Variants in GRM7 observed in about 807,000 individuals in gnomAD.
The protein encoded by GRM7 is glutamate metabotropic receptor 7, also known as metabotropic glutamate receptor 7.
A neutral mutation model predicts 84.5 loss-of-function variants in GRM7; 35 were observed. The observed-to-expected ratio is 0.41, with a 90% CI of 0.32 to 0.55. GRM7 has a LOEUF of 0.55. GRM7 is among the 20% of genes least tolerant of loss of function. The pLI is 0.19. For synonymous variants in GRM7, 487 were observed against 455.1 expected, an observed-to-expected ratio of 1.07 and a Z score of -0.89; for missense variants, 1,003 against 1,194.6, an observed-to-expected ratio of 0.84 and a Z score of 2.36.
At position 7,074,784 on chromosome 3, in the gene GRM7, T is replaced by C. The variant is rs181947468; in HGVS notation, c.520-71668T>C. 3.9e-5 allele frequency among the ~76,000 whole-genome samples: 6 copies of C among 152,288 alleles called. No individual in the cohort carries two copies. In the East Asian group the frequency reaches 7.8e-4, roughly 20 times the overall value. On this transcript the variant is annotated intron_variant, in intron 1 of 9. Transcript: ENST00000357716. ...ATCCTGGTTCTATTAGTTGCAGATA[T>C]GATTTTTGGAATGGTTTTAATATCT... is the stretch of plus-strand genomic sequence containing the variant.
chr3:7,687,067 G>A (rs986187336), intron 9 of GRM7, among the ~76,000 whole-genome samples: 1 of 143,084 alleles, frequency 7.0e-6, no homozygotes, highest in African/African-American at 2.6e-5. Context: ...TCATAGTTCT[G>A]CCTTTGAGAA....
At chr3:7,586,764 C>T (rs1336282288) in intron 8 of GRM7, among the ~76,000 whole-genome samples, 2 of 152,118 alleles carry the variant, frequency 1.3e-5, no homozygotes, top group Non-Finnish European at 2.9e-5. Context: ...GCCAAGATTG[C>T]ACCACTGCAC....
chr3:7,485,772 G>A (rs1426671059), intron 7 of GRM7, among the ~76,000 whole-genome samples: 1 of 152,070 alleles, frequency 6.6e-6, no homozygotes, highest in Non-Finnish European at 1.5e-5. Context: ...CATTTATATT[G>A]CTTATCTTTT....
chr3:7,593,380 G>A (rs1695882953), intron 8 of GRM7, among the ~76,000 whole-genome samples: 1 of 152,154 alleles, frequency 6.6e-6, no homozygotes, highest in Admixed American at 6.5e-5. Flanking sequence ...ACATATTTAG[G>A]TGCCAGGGAT....
At chr3:7,499,318 G>C (rs571299733) in intron 7 of GRM7, among the ~76,000 whole-genome samples, 8 of 152,242 alleles carry the variant, frequency 5.3e-5, no homozygotes, top group Admixed American at 4.6e-4. Flanking sequence ...ACAATGTTCT[G>C]TTCCTCTGGG....
intron 4 of GRM7, among the ~76,000 whole-genome samples, chr3:7,319,091 T>C (rs1044996275): frequency 6.6e-6 from 1 of 152,002 alleles, no homozygotes; most frequent in African/African-American, 2.4e-5. Flanking sequence ...GCAAAAAAGA[T>C]ATAAGATACT....
At chr3:7,211,365 C>A (rs1696421761) in intron 2 of GRM7, among the ~76,000 whole-genome samples, 1 of 152,076 alleles carries the variant, frequency 6.6e-6, no homozygotes, top group African/African-American at 2.4e-5. Context: ...AAATGTGTAC[C>A]TTTAATAGCA....
chr3:7,083,514 A>G (rs901049580), intron 1 of GRM7, among the ~76,000 whole-genome samples: 7 of 152,144 alleles, frequency 4.6e-5, no homozygotes, highest in African/African-American at 1.4e-4. Flanking sequence ...TTACAATGCC[A>G]TATAGTAATT....
chr3:7,381,156 TTTAG>T (rs1376654251), intron 4 of GRM7, among the ~76,000 whole-genome samples: 3 of 151,852 alleles, frequency 2.0e-5, no homozygotes, highest in Non-Finnish European at 2.9e-5. Context: ...TATGCTATTA[TTTAG>T]TTAGTTTTTT....
intron 2 of GRM7, among the ~76,000 whole-genome samples, chr3:7,294,785 C>T (rs1699758629): frequency 6.6e-6 from 1 of 152,172 alleles, no homozygotes; most frequent in Non-Finnish European, 1.5e-5. Context: ...CACAAACTGA[C>T]TAAGAATCTC....
At chr3:7,075,989 TTA>T (rs746688107) in intron 1 of GRM7, among the ~76,000 whole-genome samples, 14 of 152,114 alleles carry the variant, frequency 9.2e-5, no homozygotes, top group Non-Finnish European at 1.8e-4. Context: ...TTAATGAAAG[TTA>T]TCTCATCTAG....
At chr3:7,653,180 C>CTTTTTTTTTTTTTTTTTT (rs1218949173) in intron 8 of GRM7, among the ~76,000 whole-genome samples, 5 of 89,522 alleles carry the variant, frequency 5.6e-5, no homozygotes, top group Admixed American at 1.4e-4. Flanking sequence ...ATACTATATC[C>CTTTTTTTTTTTTTTTTTT]TTTTTTTTTT....
intron 1 of GRM7, among the ~76,000 whole-genome samples, chr3:7,109,562 A>G (rs1381994429): frequency 6.6e-6 from 1 of 152,158 alleles, no homozygotes; most frequent in Non-Finnish European, 1.5e-5. Flanking sequence ...GAATGGGTAA[A>G]TGATAGCACC....
chr3:6,897,993 A>G (rs1387342157), intron 1 of GRM7, among the ~76,000 whole-genome samples: 1 of 152,148 alleles, frequency 6.6e-6, no homozygotes, highest in African/African-American at 2.4e-5. Flanking sequence ...CCAAAGGAAT[A>G]AACACCTGAC....
At chr3:7,123,346 T>C (rs1173706267) in intron 1 of GRM7, among the ~76,000 whole-genome samples, 1 of 152,130 alleles carries the variant, frequency 6.6e-6, no homozygotes, top group Non-Finnish European at 1.5e-5. Flanking sequence ...GGGCCAGGCA[T>C]GGTGGCTCAC....
chr3:7,218,854 T>A (rs921854713), intron 2 of GRM7, among the ~76,000 whole-genome samples: 1 of 152,072 alleles, frequency 6.6e-6, no homozygotes, highest in Non-Finnish European at 1.5e-5. Context: ...TACTTATTAT[T>A]TTTAACATTT....
intron 4 of GRM7, among the ~76,000 whole-genome samples, chr3:7,390,727 C>G (rs1045248406): frequency 4.0e-5 from 6 of 151,860 alleles, no homozygotes; most frequent in African/African-American, 1.4e-4. Context: ...CTTAATATAG[C>G]TATGTCATCT....
chr3:6,899,830 AG>A (rs1696322318), intron 1 of GRM7, among the ~76,000 whole-genome samples: 1 of 152,216 alleles, frequency 6.6e-6, no homozygotes, highest in African/African-American at 2.4e-5. Flanking sequence ...TTCAGAGGTG[AG>A]CAAAGAGAAC....
intron 2 of GRM7, among the ~76,000 whole-genome samples, chr3:7,237,638 T>G (rs918863184): frequency 6.6e-6 from 1 of 152,060 alleles, no homozygotes; most frequent in Admixed American, 6.5e-5. Flanking sequence ...TTGCAGTGAG[T>G]GTTACAGCTC....
Sources: gnomAD v4.1 joint callset for allele counts (sites outside exome capture counted in the v4.1 genomes callset) on GRCh38, gnomAD v4.1.1 for gene constraint, MANE v1.5 for transcripts, NCBI Gene and HGNC (gene_info 2026-07-23, HGNC 2026-07-21) for gene names.